DMD: variants seen among roughly 807,000 people sequenced by gnomAD.
The protein encoded by DMD is dystrophin.
In DMD, 63 loss-of-function variants were observed where a neutral mutation model predicts 330.1. That is an observed-to-expected ratio of 0.19 (90% CI 0.16 to 0.24). The LOEUF (loss-of-function observed/expected upper bound fraction) is 0.24, where lower values mean the gene tolerates loss of function less well. Among genes scored for constraint, DMD ranks in the 10% least tolerant of loss-of-function variants. The pLI, the probability that DMD is intolerant of heterozygous loss-of-function variation, is 1.00. For synonymous variants in DMD, 1,223 were observed against 959.8 expected (o/e 1.27, Z -5.07); for missense variants, 3,344 against 2,684.1 (o/e 1.25, Z -5.43).
chrX:32,765,855 C>T (rs2072919870), intron 7 of DMD, among the ~76,000 whole-genome samples: 1 of 111,965 alleles, frequency 8.9e-6, no homozygotes, highest in Admixed American at 9.5e-5. Flanking sequence ...GCCACGTTTA[C>T]TTCCTGATCC....
chrX:32,842,504 A>C (rs773300331), intron 4 of DMD, among the ~76,000 whole-genome samples: 1 of 109,700 alleles, frequency 9.1e-6, no homozygotes, highest in South Asian at 3.8e-4. Flanking sequence ...ATGTGTGCCC[A>C]AAAAACCTCC....
At chrX:31,399,344 C>T (rs965324575) in intron 60 of DMD, among the ~76,000 whole-genome samples, 9 of 104,302 alleles carry the variant, frequency 8.6e-5, no homozygotes, top group African/African-American at 2.8e-4. Flanking sequence ...AAAGTCAAGC[C>T]GCTTCTCTTT....
At chrX:31,679,182 C>G (rs767931496) in intron 53 of DMD, among the ~76,000 whole-genome samples, 193 bp downstream of exon 53, 15 of 111,950 alleles carry the variant, frequency 1.3e-4, no homozygotes, top group Admixed American at 2.8e-4. Context: ...GATTGTGCCA[C>G]TGCACTTTAG....
Position 31,209,603 on chromosome X carries a change from C to A in DMD, c.9458G>T (p.Cys3153Phe), listed in dbSNP as rs771716708. ...QPMDILQIINCLTTIYDRLEQ... is the reference protein window; with the variant it reads ...QPMDILQIINFLTTIYDRLEQ... Reference sequence around the variant, plus strand: ...CAGGCGGTCATAAATAGTGGTCAAACAATTAATAATCTGCAGGATATCCAT... The same window carrying A: ...CAGGCGGTCATAAATAGTGGTCAAAAAATTAATAATCTGCAGGATATCCAT... The change falls in exon 65 of 79, where the codon TGT becomes TTT. Residue 3153 changes from cysteine to phenylalanine, a missense_variant. Physicochemically the swap from Cys to Phe is radical, Grantham distance 205. Coordinates refer to ENST00000357033, the MANE Select transcript of DMD (RefSeq NM_004006.3). The A allele has an allele frequency of 8.3e-7, 1 of 1,209,726 alleles. No individual in the cohort carries two copies. Among genetic ancestry groups the A allele is most frequent in the Non-Finnish European group, 1.1e-6 (1 of 895,072 alleles).
At chrX:32,495,759 CAATGG>C (rs1049009562) in intron 19 of DMD, among the ~76,000 whole-genome samples, 6 of 109,026 alleles carry the variant, frequency 5.5e-5, no homozygotes, top group Admixed American at 3.0e-4. Context: ...CTCCTTGACT[CAATGG>C]AAAATTTTAA....
In DMD at chrX:31,206,682, C is replaced by T; in HGVS notation, c.9564-15G>A. On this transcript the variant is annotated splice_polypyrimidine_tract_variant and intron_variant, in intron 65 of 78. Coordinates refer to ENST00000357033, the MANE Select transcript of DMD (RefSeq NM_004006.3). The stretch of plus-strand genomic sequence containing the variant: ...CTGTTCGTCCCCTATTATGAAGAAT[C>T]AAAGCAGAAAACAATTACTGACCCT... 8.4e-7 allele frequency: 1 copy of T among 1,184,135 alleles called. No individual in the cohort carries two copies. The highest frequency in any genetic ancestry group is 1.1e-6 in the Non-Finnish European group (1 of 871,509).
intron 62 of DMD, among the ~76,000 whole-genome samples, chrX:31,316,976 A>G (rs140811895): frequency 0.054 from 6,037 of 112,224 alleles, 175 homozygotes; most frequent in Non-Finnish European, 0.087. Flanking sequence ...AACATTTAAT[A>G]TTATTTGTCC....
chrX:32,958,540 T>A (rs1012847033), intron 2 of DMD, among the ~76,000 whole-genome samples: 5 of 111,266 alleles, frequency 4.5e-5, no homozygotes, highest in Non-Finnish European at 9.5e-5. Context: ...ATTATATCTC[T>A]AAGTTATCTA....
chrX:31,231,563 G>A (rs1324691143), intron 63 of DMD, among the ~76,000 whole-genome samples: 1 of 112,311 alleles, frequency 8.9e-6, no homozygotes, highest in East Asian at 2.8e-4. Context: ...GCAGTGTAGC[G>A]AAGGAGATGG....
intron 12 of DMD, among the ~76,000 whole-genome samples, chrX:32,596,802 C>T (rs533632458): frequency 2.7e-5 from 3 of 110,983 alleles, no homozygotes; most frequent in African/African-American, 9.8e-5. Context: ...CCACCTCAGC[C>T]TCCCAAAGTG....
chrX:32,487,902 T>A (rs903205636), intron 20 of DMD, among the ~76,000 whole-genome samples: 1 of 111,914 alleles, frequency 8.9e-6, no homozygotes, highest in African/African-American at 3.2e-5. Context: ...TAATATTCTG[T>A]ATTTATAGTA....
At chrX:33,182,858 A>T (rs1269302818) in intron 1 of DMD, among the ~76,000 whole-genome samples, 5 of 112,438 alleles carry the variant, frequency 4.4e-5, no homozygotes, top group African/African-American at 1.6e-4. Context: ...TGATAAAATG[A>T]TTTTATAAAG....
intron 60 of DMD, among the ~76,000 whole-genome samples, chrX:31,383,767 G>A (rs1215601481): frequency 4.5e-5 from 5 of 112,051 alleles, no homozygotes; most frequent in Non-Finnish European, 9.4e-5. Flanking sequence ...GGGACAGCCT[G>A]GCAGCATAGC....
chrX:32,536,355 C>T (rs1235930648), intron 17 of DMD, among the ~76,000 whole-genome samples: 1 of 107,955 alleles, frequency 9.3e-6, no homozygotes, highest in African/African-American at 3.4e-5. Flanking sequence ...GTTAGTAGCA[C>T]GGTGGCAGGT....
At chrX:33,059,885 T>G (rs1351932770) in intron 1 of DMD, among the ~76,000 whole-genome samples, 3 of 112,089 alleles carry the variant, frequency 2.7e-5, no homozygotes, top group African/African-American at 9.7e-5. Flanking sequence ...AATCAATGTA[T>G]TAAATTTTCA....
intron 17 of DMD, among the ~76,000 whole-genome samples, chrX:32,522,547 A>C (rs1446577045): frequency 8.9e-6 from 1 of 111,998 alleles, no homozygotes; most frequent in Non-Finnish European, 1.9e-5. Flanking sequence ...GTAAAAACAT[A>C]TCTGATTATG....
intron 1 of DMD, among the ~76,000 whole-genome samples, chrX:33,160,373 G>A (rs908661186): frequency 2.1e-4 from 23 of 111,460 alleles, no homozygotes; most frequent in African/African-American, 7.2e-4. Flanking sequence ...CCTAGTCAGG[G>A]ACACTGCCTT....
intron 7 of DMD, among the ~76,000 whole-genome samples, chrX:32,764,098 T>G (rs901859371): frequency 1.1e-5 from 1 of 94,275 alleles, no homozygotes; most frequent in Non-Finnish European, 2.0e-5. Flanking sequence ...TAAGTTGAGG[T>G]TTTTTTTTTT....
At chrX:31,167,894 C>A (rs965687617) in intron 74 of DMD, among the ~76,000 whole-genome samples, 5 of 111,872 alleles carry the variant, frequency 4.5e-5, no homozygotes, top group Non-Finnish European at 9.4e-5. Context: ...CAAAGACACA[C>A]ACTAGCTCAT....
Sources: gnomAD v4.1 joint callset for allele counts (sites outside exome capture counted in the v4.1 genomes callset) on GRCh38, gnomAD v4.1.1 for gene constraint, MANE v1.5 for transcripts, NCBI Gene and HGNC (gene_info 2026-07-23, HGNC 2026-07-21) for gene names.